Variants in MALRD1 observed in about 807,000 individuals in gnomAD.
MALRD1 encodes the protein MAM and LDL-receptor class A domain-containing protein 1.
In MALRD1, 247 loss-of-function variants were observed where a neutral mutation model predicts 242.1. The observed-to-expected ratio is 1.02, with a 90% CI of 0.92 to 1.13. The LOEUF (loss-of-function observed/expected upper bound fraction) is 1.13. MALRD1 is among the 50% of genes most tolerant of loss of function. MALRD1 has a pLI of 0.00. For missense variants in MALRD1, 2,989 were observed against 2,533.1 expected, an observed-to-expected ratio of 1.18 and a Z score of -3.86; for synonymous variants, 995 against 866.6, an observed-to-expected ratio of 1.15 and a Z score of -2.60.
intron 33 of MALRD1, among the ~76,000 whole-genome samples, chr10:19,572,548 G>T (rs1309509180): frequency 6.6e-6 from 1 of 152,108 alleles, no homozygotes; most frequent in Non-Finnish European, 1.5e-5. Context: ...GCTAGGAAGT[G>T]GATTATTTCC....
intron 18 of MALRD1, among the ~76,000 whole-genome samples, chr10:19,249,949 G>T (rs1242774490): frequency 2.6e-5 from 4 of 151,876 alleles, no homozygotes; most frequent in African/African-American, 9.7e-5. Context: ...GGAAATTTGG[G>T]ATTTGGTGTC....
intron 26 of MALRD1, among the ~76,000 whole-genome samples, chr10:19,353,267 G>T (rs533702222): frequency 5.9e-5 from 9 of 151,976 alleles, no homozygotes; most frequent in Non-Finnish European, 1.2e-4. Context: ...TTGGCCTCCC[G>T]AAGTACTGGG....
chr10:19,379,557 A>G lies in MALRD1; in HGVS notation c.4442-7971A>G, dbSNP rs1302168693. ...CTTCTTTGACTCAATGGTTACTTAC[A>G]AATATGTTGTCAAATATTTGTGTGA... On this transcript the variant is annotated intron_variant, in intron 26 of 39. Transcript: ENST00000454679. Among the ~76,000 whole-genome samples the G allele has an allele frequency of 2.6e-5, 4 of 152,164 alleles. No individual in the cohort carries two copies. In the South Asian group the frequency reaches 8.3e-4, roughly 32 times the overall value.
At chr10:19,648,999 C>A (rs1589357979) in intron 36 of MALRD1, among the ~76,000 whole-genome samples, 1 of 152,150 alleles carries the variant, frequency 6.6e-6, no homozygotes, top group Admixed American at 6.6e-5. Context: ...TATTTGGTTT[C>A]CTGTTCCTGC....
At chr10:19,255,839 A>G (rs1839481006) in intron 18 of MALRD1, among the ~76,000 whole-genome samples, 1 of 152,084 alleles carries the variant, frequency 6.6e-6, no homozygotes, top group Non-Finnish European at 1.5e-5. Flanking sequence ...AGGAAACTCC[A>G]AAGGAAAAAT....
At position 19,556,738 on chromosome 10, in the gene MALRD1, T is replaced by G. The variant is rs185373883; in HGVS notation, c.5479-10764T>G. Among the ~76,000 whole-genome samples, 3 of 152,270 alleles carry G rather than the reference T, an allele frequency of 2.0e-5. No individual in the cohort carries two copies. In the East Asian group the frequency reaches 5.8e-4, roughly 29 times the overall value. On this transcript the variant is annotated intron_variant, in intron 32 of 39. Transcript: ENST00000454679. ...TATAAACAATCACGTGCACATTTAG[T>G]GTAGACATAAACATTCAGCACATCT...
At chr10:19,356,758 A>G (rs1299038402) in intron 26 of MALRD1, among the ~76,000 whole-genome samples, 1 of 152,094 alleles carries the variant, frequency 6.6e-6, no homozygotes, top group Non-Finnish European at 1.5e-5. Context: ...CCATTAGTTG[A>G]TGTGATATTT....
At position 19,251,622 on chromosome 10, in the gene MALRD1, T is replaced by C. The variant is rs188610013; in HGVS notation, c.2992-6062T>C. Among the ~76,000 whole-genome samples, 320 of 152,116 alleles carry C rather than the reference T, an allele frequency of 2.1e-3. 1 individual carries two copies. Among genetic ancestry groups the C allele is most frequent in the African/African-American group, 7.2e-3 (297 of 41,532 alleles). On this transcript the variant is annotated intron_variant, in intron 18 of 39. Coordinates refer to ENST00000454679, the MANE Select transcript of MALRD1 (RefSeq NM_001142308.3). ...GCAAATTTACTCATTAGCTTCCAAG[T>C]AGGGTAAAATATCAGGCCCTTCATG...
chr10:19,674,549 T>A (rs550857313), intron 36 of MALRD1, among the ~76,000 whole-genome samples: 131 of 152,302 alleles, frequency 8.6e-4, no homozygotes, highest in African/African-American at 2.7e-3. Flanking sequence ...TTCTTTCTAA[T>A]TTCAACATTC....
intron 11 of MALRD1, among the ~76,000 whole-genome samples, chr10:19,150,824 A>T (rs1833921358): frequency 6.6e-6 from 1 of 152,188 alleles, no homozygotes; most frequent in African/African-American, 2.4e-5. Context: ...TGATTTGGAT[A>T]TACCATAATG....
chr10:19,532,948 G>A (rs997604765), intron 32 of MALRD1, among the ~76,000 whole-genome samples: 1 of 152,124 alleles, frequency 6.6e-6, no homozygotes, highest in Admixed American at 6.5e-5. Flanking sequence ...TAACCACTGA[G>A]CTTCAAGAAA....
chr10:19,540,306 C>T (rs1834906992), intron 32 of MALRD1, among the ~76,000 whole-genome samples: 1 of 151,578 alleles, frequency 6.6e-6, no homozygotes, highest in Admixed American at 6.6e-5. Flanking sequence ...TACCCCAACT[C>T]AGCCTCTCTT....
At chr10:19,669,058 T>C (rs1841802750) in intron 36 of MALRD1, among the ~76,000 whole-genome samples, 1 of 152,220 alleles carries the variant, frequency 6.6e-6, no homozygotes, top group African/African-American at 2.4e-5. Context: ...TCTGTGAATG[T>C]AACTGTCCAC....
At chr10:19,446,516 A>G (rs1038984877) in intron 28 of MALRD1, among the ~76,000 whole-genome samples, 4 of 152,178 alleles carry the variant, frequency 2.6e-5, no homozygotes, top group Non-Finnish European at 5.9e-5. Context: ...TTCCAAGGAG[A>G]TCTGTCTATT....
intron 31 of MALRD1, among the ~76,000 whole-genome samples, chr10:19,504,864 A>G (rs978861550): frequency 6.6e-6 from 1 of 150,658 alleles, no homozygotes; most frequent in Non-Finnish European, 1.5e-5. Flanking sequence ...TTGTATTTTT[A>G]GTAGAGACGG....
chr10:19,196,196 C>T (rs545773532), intron 14 of MALRD1, among the ~76,000 whole-genome samples: 4 of 152,284 alleles, frequency 2.6e-5, no homozygotes, highest in Non-Finnish European at 4.4e-5. Context: ...AAAGTTTTTA[C>T]CTCTCACATC....
At chr10:19,254,608 A>C (rs1018638127) in intron 18 of MALRD1, among the ~76,000 whole-genome samples, 5 of 151,990 alleles carry the variant, frequency 3.3e-5, no homozygotes, top group Admixed American at 3.3e-4. Context: ...TCCACATAGA[A>C]TATGTGCTTT....
At chr10:19,075,206 A>G (rs1024480155) in intron 2 of MALRD1, among the ~76,000 whole-genome samples, 5 of 152,094 alleles carry the variant, frequency 3.3e-5, no homozygotes, top group Non-Finnish European at 7.4e-5. Flanking sequence ...ATTATTGTCT[A>G]CCTAATTGTG....
intron 26 of MALRD1, among the ~76,000 whole-genome samples, chr10:19,362,869 G>A (rs1844949423): frequency 6.6e-6 from 1 of 152,064 alleles, no homozygotes; most frequent in Non-Finnish European, 1.5e-5. Flanking sequence ...CTAGTATGGT[G>A]GCAAAGAAGA....
Sources: gnomAD v4.1 joint callset for allele counts (sites outside exome capture counted in the v4.1 genomes callset) on GRCh38, gnomAD v4.1.1 for gene constraint, MANE v1.5 for transcripts, NCBI Gene and HGNC (gene_info 2026-07-23, HGNC 2026-07-21) for gene names.